TMEM217B: variants seen among roughly 807,000 people sequenced by gnomAD.
The protein encoded by TMEM217B is transmembrane protein 217B, also known as putative transmembrane protein 217B.
chr6:37,215,598 A>AG, the TMEM217B span, among the ~76,000 whole-genome samples: 1 of 135,544 alleles, frequency 7.4e-6, no homozygotes, highest in Non-Finnish European at 1.6e-5. Context: ...AAAAAAAAAA[A>AG]AAAGAAAAGA....
the TMEM217B span, among the ~76,000 whole-genome samples, chr6:37,219,849 A>C: frequency 6.6e-6 from 1 of 152,214 alleles, no homozygotes; most frequent in East Asian, 1.9e-4. Flanking sequence ...TTCAGGATAT[A>C]ACCAGGGCAG....
chr6:37,217,093 A>G, the TMEM217B span, among the ~76,000 whole-genome samples: 5 of 152,208 alleles, frequency 3.3e-5, no homozygotes, highest in Admixed American at 1.3e-4. Context: ...CAGGAATTCA[A>G]TACCAGCCTG....
the TMEM217B span, among the ~76,000 whole-genome samples, chr6:37,231,779 A>T: frequency 2.7e-5 from 4 of 148,438 alleles, no homozygotes; most frequent in Admixed American, 2.0e-4. Context: ...ATATTTTTTC[A>T]ATGTAGAGAT....
chr6:37,238,081 C>G, the TMEM217B span, among the ~76,000 whole-genome samples: 2 of 151,520 alleles, frequency 1.3e-5, no homozygotes, highest in South Asian at 2.1e-4. Flanking sequence ...CAAAAGAGAG[C>G]CATGCATGGA....
chr6:37,255,271 G>A, the TMEM217B span, among the ~76,000 whole-genome samples: 1 of 152,180 alleles, frequency 6.6e-6, no homozygotes, highest in Non-Finnish European at 1.5e-5. Context: ...GACTGGAGAG[G>A]TGAGTGGAGC....
At chr6:37,216,881 C>T in the TMEM217B span, among the ~76,000 whole-genome samples, 1 of 152,152 alleles carries the variant, frequency 6.6e-6, no homozygotes, top group African/African-American at 2.4e-5. Flanking sequence ...ACAGTGTTTG[C>T]ACCATCTTAG....
chr6:37,249,467 G>A, the TMEM217B span, among the ~76,000 whole-genome samples: 4 of 151,972 alleles, frequency 2.6e-5, no homozygotes, highest in Admixed American at 2.0e-4. Context: ...CTATAGACAC[G>A]TGCCACCATG....
chr6:37,216,020 TGTGTGTGTGTGTGA>T, the TMEM217B span, among the ~76,000 whole-genome samples: 1 of 80,932 alleles, frequency 1.2e-5, no homozygotes, highest in East Asian at 5.1e-4. Flanking sequence ...TGTGTGTGTG[TGTGTGTGTGTGTGA>T]GAAACAGATA....
the TMEM217B span, chr6:37,218,387 G>A: frequency 6.8e-7 from 1 of 1,478,106 alleles, no homozygotes; most frequent in Admixed American, 1.9e-5. Flanking sequence ...GCCAAGGCCA[G>A]GCTGGTCTTG....
the TMEM217B span, among the ~76,000 whole-genome samples, chr6:37,214,376 C>A: frequency 6.6e-6 from 1 of 151,998 alleles, no homozygotes; most frequent in Non-Finnish European, 1.5e-5. Flanking sequence ...TACAAGCGTG[C>A]GCCAGCATGC....
chr6:37,224,841 TA>T, the TMEM217B span, among the ~76,000 whole-genome samples: 1 of 152,032 alleles, frequency 6.6e-6, no homozygotes, highest in African/African-American at 2.4e-5. Context: ...TTTAAGAATA[TA>T]TTTTTTGGCC....
the TMEM217B span, among the ~76,000 whole-genome samples, chr6:37,214,548 T>C: frequency 7.2e-5 from 11 of 152,092 alleles, no homozygotes; most frequent in East Asian, 2.1e-3. Context: ...TTTTTCATCA[T>C]CCCCACCAAA....
the TMEM217B span, among the ~76,000 whole-genome samples, chr6:37,236,104 G>A: frequency 2.0e-5 from 3 of 152,008 alleles, no homozygotes; most frequent in Admixed American, 6.5e-5. Context: ...TAACATCATC[G>A]TGTTTGAACT....
At chr6:37,257,671 G>A in the TMEM217B span, 1 of 526,188 alleles carries the variant, frequency 1.9e-6, no homozygotes, top group Non-Finnish European at 3.4e-6. Context: ...GACGTTACCG[G>A]TCGGCTTCAG....
At chr6:37,215,211 A>T in the TMEM217B span, 1 of 1,613,876 alleles carries the variant, frequency 6.2e-7, no homozygotes, top group Non-Finnish European at 8.5e-7. Context: ...GCAGACATCT[A>T]TTGTGTATCT....
the TMEM217B span, chr6:37,215,145 C>T: frequency 3.1e-6 from 5 of 1,602,472 alleles, no homozygotes; most frequent in Non-Finnish European, 4.3e-6. Flanking sequence ...CCTAACTTCC[C>T]TTTCTGCCGC....
chr6:37,249,540 C>T, the TMEM217B span, among the ~76,000 whole-genome samples: 5 of 152,112 alleles, frequency 3.3e-5, no homozygotes, highest in Non-Finnish European at 5.9e-5. Context: ...AAGCTGGTTT[C>T]GAACTCCTGA....
chr6:37,245,724 G>A, the TMEM217B span, among the ~76,000 whole-genome samples: 1 of 152,096 alleles, frequency 6.6e-6, no homozygotes, highest in African/African-American at 2.4e-5. Flanking sequence ...AAGAGCAGGA[G>A]GAGGACGAGG....
At chr6:37,225,353 C>T in the TMEM217B span, among the ~76,000 whole-genome samples, 636 of 151,974 alleles carry the variant, frequency 4.2e-3, no homozygotes, top group African/African-American at 0.014. Context: ...ATGAGAGATT[C>T]ACAAGTGTTC....
Sources: allele counts gnomAD v4.1 joint callset (sites outside exome capture counted in the v4.1 genomes callset), GRCh38; gene constraint gnomAD v4.1.1; transcripts MANE v1.5; gene names NCBI Gene and HGNC (gene_info 2026-07-23, HGNC 2026-07-21).